Variants in CISD2 observed in about 807,000 individuals in gnomAD.
The protein encoded by CISD2 is CDGSH iron sulfur domain 2, also known as CDGSH iron-sulfur domain-containing protein 2.
Under a neutral mutation model 12.9 loss-of-function variants are expected in CISD2, and 1 was observed. The observed-to-expected ratio is 0.08, with a 90% confidence interval of 0.03 to 0.37. The LOEUF is 0.37. Ranked by LOEUF, CISD2 falls within the 10% of genes least tolerant of loss-of-function variation. The pLI is 0.99. For synonymous variants in CISD2, 50 were observed against 60.6 expected, an observed-to-expected ratio of 0.83 and a Z score of 0.81; for missense variants, 97 against 163.1, an observed-to-expected ratio of 0.59 and a Z score of 2.21.
At chr4:102,873,728 CAAAAAAAAAAAAA>C (rs35907341) in intron 1 of CISD2, among the ~76,000 whole-genome samples, 1 of 78,428 alleles carries the variant, frequency 1.3e-5, no homozygotes, top group African/African-American at 4.8e-5. Context: ...GAAACCGTCT[CAAAAAAAAAAAAA>C]AAAAAAAAGG....
At chr4:102,872,031 G>A (rs973310860) in intron 1 of CISD2, among the ~76,000 whole-genome samples, 5 of 152,118 alleles carry the variant, frequency 3.3e-5, no homozygotes, top group African/African-American at 7.2e-5. Context: ...AGAGTGAGGC[G>A]TTCAAGATAA....
intron 1 of CISD2, among the ~76,000 whole-genome samples, chr4:102,872,211 G>C (rs1167158231): frequency 1.3e-5 from 2 of 152,104 alleles, no homozygotes; most frequent in Admixed American, 6.5e-5. Context: ...CGGGACTACA[G>C]GCATGTGCCA....
chr4:102,885,075 AT>A, intron 1 of CISD2, 140 bp from the exon 2 acceptor site: 1 of 716,594 alleles, frequency 1.4e-6, no homozygotes, highest in Non-Finnish European at 2.5e-6. Flanking sequence ...TTATTGTGTT[AT>A]TTATTCACAG....
At chr4:102,869,600 T>C in intron 1 of CISD2, 1 of 689,502 alleles carries the variant, frequency 1.5e-6, no homozygotes, top group Non-Finnish European at 2.6e-6. Context: ...GGCTGGGTTG[T>C]ACCCTCAGCA....
At chr4:102,881,201 T>C (rs1733712807) in intron 1 of CISD2, among the ~76,000 whole-genome samples, 1 of 152,124 alleles carries the variant, frequency 6.6e-6, no homozygotes, top group South Asian at 2.1e-4. Flanking sequence ...AGAGAAATAT[T>C]CTATGTACTC....
intron 2 of CISD2, among the ~76,000 whole-genome samples, chr4:102,886,399 G>GA (rs1203875480): frequency 6.6e-5 from 10 of 151,830 alleles, no homozygotes; most frequent in Non-Finnish European, 1.5e-4. Context: ...GCTGAGGCAG[G>GA]AAAATCACTT....
At chr4:102,870,834 CAATGGGCCT>C (rs1733424362) in intron 1 of CISD2, among the ~76,000 whole-genome samples, 1 of 152,160 alleles carries the variant, frequency 6.6e-6, no homozygotes, top group Admixed American at 6.5e-5. Flanking sequence ...TTTAACATCA[CAATGGGCCT>C]AACCATTCAT....
chr4:102,879,248 TATATA>T (rs1367462753), intron 1 of CISD2, among the ~76,000 whole-genome samples: 1 of 151,956 alleles, frequency 6.6e-6, no homozygotes, highest in Non-Finnish European at 1.5e-5. Flanking sequence ...ACTTAATAAT[TATATA>T]GTAAATATTT....
intron 1 of CISD2, among the ~76,000 whole-genome samples, chr4:102,880,463 A>AT (rs1278199892): frequency 1.3e-5 from 2 of 152,174 alleles, no homozygotes; most frequent in South Asian, 2.1e-4. Flanking sequence ...CATAAATGTT[A>AT]TTTTTTATAA....
rs1458113065 is a variant in CISD2, at chr4:102,869,223, A to G, written c.103+36A>G. 4 of 1,577,092 alleles carry G rather than the reference A, an allele frequency of 2.5e-6. No individual in the cohort carries two copies. The South Asian group carries it at 4.7e-5, about 18-fold the overall frequency. ...CCCATCAGCCAGTCCCCATCCTTGC[A>G]CGTTCGCCAAGCGGGGGAAGGAGGC... On this transcript the variant is annotated intron_variant, in intron 1 of 2. Coordinates refer to ENST00000273986, the MANE Select transcript of CISD2 (RefSeq NM_001008388.5).
chr4:102,871,211 T>C (rs72933541), intron 1 of CISD2, among the ~76,000 whole-genome samples: 2,796 of 152,296 alleles, frequency 0.018, 79 homozygotes, highest in African/African-American at 0.061. Context: ...AGTATGAAAC[T>C]AGATTTAATG....
At position 102,873,728 on chromosome 4, in the gene CISD2, CAAAAAAAAAAAAAA is replaced by C. The variant is rs35907341; in HGVS notation, c.103+4549_103+4562del. ...CCTAGGCAGCAGAGCGAAACCGTCT[CAAAAAAAAAAAAAA>C]AAAAAAAGGGATGTAAAAGTCAATA... On this transcript the variant is annotated intron_variant, in intron 1 of 2. Transcript: ENST00000273986. Among the ~76,000 whole-genome samples, 403 of 78,422 alleles carry C rather than the reference CAAAAAAAAAAAAAA, an allele frequency of 5.1e-3. 3 individuals are homozygous for C. The highest frequency in any genetic ancestry group is 0.019 in the African/African-American group (391 of 20,972). The allele number at this position is 78,422 out of a possible 152,430, so 51.4% of individuals were successfully genotyped here. A position where few individuals can be genotyped will look rare whatever the true frequency, so the allele number is the denominator to read the frequency against.
chr4:102,872,512 G>A (rs891946963), intron 1 of CISD2, among the ~76,000 whole-genome samples: 1 of 152,084 alleles, frequency 6.6e-6, no homozygotes, highest in African/African-American at 2.4e-5. Flanking sequence ...TAGCAACCAA[G>A]CTGCCAGTAT....
At position 102,892,431 on chromosome 4, in the gene CISD2, A is replaced by G. The variant is rs538656604; in HGVS notation, c.*5001A>G. The G allele has an allele frequency of 1.2e-4, 19 of 152,346 alleles. No individual in the cohort carries two copies. In the South Asian group the frequency reaches 3.9e-3, roughly 32 times the overall value. The allele number at this position is 152,346 out of a possible 1,614,324, so 9.4% of individuals were successfully genotyped here. ...AGCATCACTTTAATATAAAAAGTGT[A>G]CAGCTTATATTATTAGCAATTGTAC... On this transcript the variant is annotated 3_prime_UTR_variant, in exon 3 of 3. Coordinates refer to ENST00000273986, the MANE Select transcript of CISD2 (RefSeq NM_001008388.5).
intron 1 of CISD2, among the ~76,000 whole-genome samples, chr4:102,880,903 G>A (rs1178290196): frequency 6.6e-6 from 1 of 150,734 alleles, no homozygotes; most frequent in Non-Finnish European, 1.5e-5. Flanking sequence ...ACTGAGGCAC[G>A]AGAATCGCTT....
chr4:102,882,047 C>T (rs1157369476), intron 1 of CISD2, among the ~76,000 whole-genome samples: 1 of 152,048 alleles, frequency 6.6e-6, no homozygotes, highest in Non-Finnish European at 1.5e-5. Context: ...CAAAAATTAG[C>T]CAGACGTTGT....
intron 1 of CISD2, among the ~76,000 whole-genome samples, chr4:102,879,576 A>G (rs771727236): frequency 2.0e-5 from 3 of 152,168 alleles, no homozygotes; most frequent in Non-Finnish European, 4.4e-5. Context: ...GTTTGAGACC[A>G]GCCTGGCCAA....
chr4:102,872,408 T>C (rs223331), intron 1 of CISD2, among the ~76,000 whole-genome samples: 2,204 of 152,102 alleles, frequency 0.014, 27 homozygotes, highest in Non-Finnish European at 0.024. Context: ...AACTCATGCA[T>C]TGAAAATATT....
At position 102,885,009 on chromosome 4, in the gene CISD2, A is replaced by T. The variant is rs905455060; in HGVS notation, c.104-207A>T. 9.3e-6 allele frequency: 5 copies of T among 535,380 alleles called. No homozygotes were observed. In the Admixed American group the frequency reaches 1.3e-4, roughly 13 times the overall value. 33.2% of individuals were successfully genotyped at this position (535,380 alleles called of 1,614,324 possible). A position where few individuals can be genotyped will look rare whatever the true frequency, so the allele number is the denominator to read the frequency against. The stretch of plus-strand genomic sequence containing the variant: ...CCTATTTCTGAAAAGTTAGGTTTCT[A>T]GTTTCACTGGTCTCAAATTATAAAT... On this transcript the variant is annotated intron_variant, in intron 1 of 2. Coordinates refer to ENST00000273986, the MANE Select transcript of CISD2 (RefSeq NM_001008388.5).
Sources: allele counts gnomAD v4.1 joint callset (sites outside exome capture counted in the v4.1 genomes callset), GRCh38; gene constraint gnomAD v4.1.1; transcripts MANE v1.5; gene names NCBI Gene and HGNC (gene_info 2026-07-23, HGNC 2026-07-21).